MID1: variants seen among roughly 807,000 people sequenced by gnomAD.
MID1 encodes midline 1.
Under a neutral mutation model 40.4 loss-of-function variants are expected in MID1, and 7 were observed. That is an observed-to-expected ratio of 0.17 (90% CI 0.10 to 0.33). The LOEUF (loss-of-function observed/expected upper bound fraction) is 0.33. MID1 is among the 10% of genes least tolerant of loss of function. The pLI is 1.00. For synonymous variants in MID1, 229 were observed against 221.2 expected (o/e 1.04, Z -0.31); for missense variants, 367 against 558.5 (o/e 0.66, Z 3.46).
chrX:10,818,475 T>C lies in MID1; in HGVS notation c.-187+15079A>G, dbSNP rs1217190901. Among the ~76,000 whole-genome samples the C allele has an allele frequency of 2.7e-5, 3 of 112,769 alleles. No individual in the cohort carries two copies. In the East Asian group the frequency reaches 8.3e-4, roughly 31 times the overall value. ...GGCAGGTCATTGTTTCTACATGCTA[T>C]CAGTGTTTTTCATTAGCTGTATTAA... is the stretch of plus-strand genomic sequence containing the variant. On this transcript the variant is annotated intron_variant, in intron 1 of 10. Transcript: ENST00000380785.
chrX:10,811,055 CA>C lies in MID1; in HGVS notation c.-187+22498del, dbSNP rs1452867791. The stretch of plus-strand genomic sequence containing the variant: ...TTTCCTGGGGGCATTCAAACAAAGG[CA>C]AGATGGCCAGCAGTCAGGGTTGCTG... On this transcript the variant is annotated intron_variant, in intron 1 of 10. Transcript: ENST00000380785. 4.5e-5 allele frequency among the ~76,000 whole-genome samples: 5 copies of C among 110,891 alleles called. No homozygotes were observed. In the East Asian group the frequency reaches 1.1e-3, roughly 25 times the overall value.
chrX:10,532,337 T>C (rs1933004394), intron 2 of MID1, among the ~76,000 whole-genome samples: 1 of 111,656 alleles, frequency 9.0e-6, no homozygotes, highest in African/African-American at 3.3e-5. Context: ...ACAAAAACTT[T>C]TTTAAAAATT....
chrX:10,583,544 C>T (rs1309207982), intron 1 of MID1, among the ~76,000 whole-genome samples: 1 of 112,157 alleles, frequency 8.9e-6, no homozygotes, highest in Non-Finnish European at 1.9e-5. Context: ...AGAAATCCAA[C>T]TTTTACTATT....
chrX:10,647,804 C>T (rs972968099), intron 1 of MID1, among the ~76,000 whole-genome samples: 31 of 111,550 alleles, frequency 2.8e-4, no homozygotes, highest in African/African-American at 9.8e-4. Flanking sequence ...TCATCATATA[C>T]GTAGGTAAAA....
chrX:10,465,109 T>C (rs1420863767), intron 7 of MID1, among the ~76,000 whole-genome samples: 1 of 104,416 alleles, frequency 9.6e-6, no homozygotes, highest in Non-Finnish European at 2.0e-5. Context: ...ATTTGAACTC[T>C]GGGGGTGGAG....
intron 1 of MID1, among the ~76,000 whole-genome samples, chrX:10,732,758 T>C (rs1007981813): frequency 2.7e-5 from 3 of 111,985 alleles, no homozygotes; most frequent in African/African-American, 9.7e-5. Context: ...GTAGCTGACA[T>C]CATTTATTTT....
At chrX:10,729,944 CGTG>C (rs947627479) in intron 1 of MID1, among the ~76,000 whole-genome samples, 3 of 109,311 alleles carry the variant, frequency 2.7e-5, no homozygotes, top group Non-Finnish European at 5.7e-5. Context: ...ATTAGCCGGG[CGTG>C]GTGGCGGGCA....
intron 3 of MID1, among the ~76,000 whole-genome samples, chrX:10,518,183 C>T (rs922286796): frequency 8.9e-6 from 1 of 111,946 alleles, no homozygotes; most frequent in Non-Finnish European, 1.9e-5. Flanking sequence ...TTATCCAAAA[C>T]ATGGAAAAAA....
At chrX:10,632,250 C>T (rs1243065781) in intron 1 of MID1, among the ~76,000 whole-genome samples, 1 of 111,722 alleles carries the variant, frequency 9.0e-6, no homozygotes, top group East Asian at 2.8e-4. Flanking sequence ...TCTAAAAAAA[C>T]AAACGTAAAT....
chrX:10,781,411 T>C (rs1219135764), intron 1 of MID1, among the ~76,000 whole-genome samples: 2 of 111,957 alleles, frequency 1.8e-5, no homozygotes. Flanking sequence ...AGGGCTCACA[T>C]TGCTGTTTGT....
intron 1 of MID1, among the ~76,000 whole-genome samples, chrX:10,732,863 C>CT (rs34772528): frequency 4.1e-4 from 23 of 55,574 alleles, no homozygotes; most frequent in Admixed American, 3.9e-3. Flanking sequence ...TCTTCTTCTT[C>CT]TTTTTTTTTT....
At chrX:10,808,213 C>T (rs2044061704) in intron 1 of MID1, among the ~76,000 whole-genome samples, 1 of 111,807 alleles carries the variant, frequency 8.9e-6, no homozygotes, top group South Asian at 3.8e-4. Flanking sequence ...CTAAGATGTC[C>T]TTGTCTGATA....
chrX:10,589,260 C>T (rs767676756), intron 1 of MID1, among the ~76,000 whole-genome samples: 1 of 111,960 alleles, frequency 8.9e-6, no homozygotes, highest in Non-Finnish European at 1.9e-5. Context: ...TACTGCCACA[C>T]CGTGGGTGAT....
intron 3 of MID1, among the ~76,000 whole-genome samples, chrX:10,501,935 T>C (rs1931568304): frequency 8.9e-6 from 1 of 112,382 alleles, no homozygotes; most frequent in Non-Finnish European, 1.9e-5. Context: ...TATTTTTTCC[T>C]TGTCATATAT....
intron 1 of MID1, among the ~76,000 whole-genome samples, chrX:10,778,298 A>T (rs2043820764): frequency 9.0e-6 from 1 of 110,654 alleles, no homozygotes; most frequent in Non-Finnish European, 1.9e-5. Context: ...CAGCTCCATT[A>T]TAATCTTATG....
chrX:10,471,601 A>G (rs1929712121), intron 6 of MID1, among the ~76,000 whole-genome samples: 1 of 112,227 alleles, frequency 8.9e-6, no homozygotes, highest in South Asian at 3.8e-4. Flanking sequence ...TTGGATGTGC[A>G]TGAATCAGTG....
chrX:10,685,636 A>G (rs144065088), intron 1 of MID1, among the ~76,000 whole-genome samples: 3,493 of 111,123 alleles, frequency 0.031, 73 homozygotes, highest in African/African-American at 0.073. Flanking sequence ...CACTCAGTCC[A>G]TTAGCTTTAG....
chrX:10,474,913 CAAAT>C (rs1050345380), intron 5 of MID1, 163 bp from the exon 6 acceptor site: 3 of 513,467 alleles, frequency 5.8e-6, no homozygotes, highest in Admixed American at 2.7e-5. Flanking sequence ...TAACATAAAA[CAAAT>C]GAATGCAAGC....
intron 2 of MID1, among the ~76,000 whole-genome samples, chrX:10,559,232 A>G (rs1389330424): frequency 8.9e-6 from 1 of 112,593 alleles, no homozygotes; most frequent in Non-Finnish European, 1.9e-5. Flanking sequence ...ATATCAGACT[A>G]TATCTCATAA....
Sources: allele counts gnomAD v4.1 joint callset (sites outside exome capture counted in the v4.1 genomes callset), GRCh38; gene constraint gnomAD v4.1.1; transcripts MANE v1.5; gene names NCBI Gene and HGNC (gene_info 2026-07-23, HGNC 2026-07-21).